NRXN1: variants seen among roughly 807,000 people sequenced by gnomAD.
The protein encoded by NRXN1 is neurexin 1, also known as neurexin-1.
A neutral mutation model predicts 150.9 loss-of-function variants in NRXN1; 39 were observed. That is an observed-to-expected ratio of 0.26 (90% CI 0.20 to 0.34). The LOEUF (loss-of-function observed/expected upper bound fraction) is 0.34, where lower values mean the gene tolerates loss of function less well. NRXN1 is among the 10% of genes least tolerant of loss of function. NRXN1 has a pLI of 1.00. For missense variants in NRXN1, 1,815 were observed against 1,949.9 expected, an observed-to-expected ratio of 0.93 and a Z score of 1.30; for synonymous variants, 924 against 757.0, an observed-to-expected ratio of 1.22 and a Z score of -3.62.
chr2:50,544,883 G>T (rs772204745), intron 9 of NRXN1, among the ~76,000 whole-genome samples: 9 of 152,130 alleles, frequency 5.9e-5, no homozygotes, highest in Non-Finnish European at 1.3e-4. Context: ...CTAAATATCA[G>T]TATGTTCAAA....
intron 17 of NRXN1, among the ~76,000 whole-genome samples, chr2:50,383,518 G>A (rs2081115859): frequency 6.6e-6 from 1 of 152,154 alleles, no homozygotes; most frequent in African/African-American, 2.4e-5. Flanking sequence ...GGGGCACAAT[G>A]TGATGTTTCA....
chr2:49,922,142 G>A lies in NRXN1; in HGVS notation c.4326C>T (p.Ala1442=), dbSNP rs1238134606. 6.2e-7 allele frequency: 1 copy of A among 1,614,114 alleles called. No homozygotes were observed. Among genetic ancestry groups the A allele is most frequent in the Admixed American group, 1.7e-5 (1 of 60,010 alleles). ...GMVVGIVAAA[A]LCILILLYAM... ...CATAGAGGAGGATAAGGATGCACAG[G>A]GCGGCAGCGGCTACTATCCCAACGA... The change falls in exon 23 of 23, where the codon GCC becomes GCT. Residue 1442 remains alanine, a synonymous_variant. Coordinates refer to ENST00000401669, the MANE Select transcript of NRXN1 (RefSeq NM_001330078.2).
At chr2:50,124,819 C>T (rs996110873) in intron 18 of NRXN1, among the ~76,000 whole-genome samples, 1 of 152,106 alleles carries the variant, frequency 6.6e-6, no homozygotes, top group Non-Finnish European at 1.5e-5. Flanking sequence ...CTTTTCTTCT[C>T]ACTACCACAT....
chr2:50,797,157 A>G (rs1706948006), intron 5 of NRXN1, among the ~76,000 whole-genome samples: 1 of 152,210 alleles, frequency 6.6e-6, no homozygotes, highest in African/African-American at 2.4e-5. Context: ...AACAATATTC[A>G]GATCATAGCA....
intron 8 of NRXN1, among the ~76,000 whole-genome samples, chr2:50,599,241 T>C (rs1259300843): frequency 6.6e-6 from 1 of 152,202 alleles, no homozygotes. Flanking sequence ...GCAGTATTAC[T>C]ACAGAGTTCA....
chr2:50,384,249 G>C (rs2081164271), intron 17 of NRXN1, among the ~76,000 whole-genome samples: 1 of 152,138 alleles, frequency 6.6e-6, no homozygotes, highest in Non-Finnish European at 1.5e-5. Context: ...GCTCATGCCT[G>C]TAATCCCAGC....
chr2:50,866,956 T>C (rs1019599609), intron 5 of NRXN1, among the ~76,000 whole-genome samples: 3 of 151,922 alleles, frequency 2.0e-5, no homozygotes, highest in Admixed American at 2.0e-4. Context: ...TCTGTTTCCA[T>C]AATACTCTCT....
chr2:50,653,205 G>C (rs1441433164), intron 5 of NRXN1, among the ~76,000 whole-genome samples: 2 of 151,988 alleles, frequency 1.3e-5, no homozygotes, highest in African/African-American at 4.8e-5. Flanking sequence ...AAATCTAGCA[G>C]AGTTTATTTG....
chr2:50,434,364 G>A (rs1347147972), intron 17 of NRXN1, among the ~76,000 whole-genome samples: 2 of 151,990 alleles, frequency 1.3e-5, no homozygotes, highest in African/African-American at 4.8e-5. Context: ...TTACAGGCGT[G>A]AGCCACCTCG....
chr2:50,939,452 A>G (rs762133563), intron 2 of NRXN1, among the ~76,000 whole-genome samples: 14 of 151,982 alleles, frequency 9.2e-5, no homozygotes, highest in Non-Finnish European at 1.9e-4. Context: ...TTTATGATTT[A>G]TTATTTATAA....
At chr2:50,531,641 C>T (rs934692998) in intron 10 of NRXN1, among the ~76,000 whole-genome samples, 2 of 152,040 alleles carry the variant, frequency 1.3e-5, no homozygotes, top group African/African-American at 4.8e-5. Flanking sequence ...TGCTAAAGCC[C>T]AGAAACAGAG....
At chr2:50,777,324 T>A (rs766339122) in intron 5 of NRXN1, among the ~76,000 whole-genome samples, 5 of 152,178 alleles carry the variant, frequency 3.3e-5, no homozygotes, top group Non-Finnish European at 5.9e-5. Context: ...ATTTATGGTA[T>A]ACAATTTTCT....
chr2:50,503,910 C>T (rs2092086319), intron 13 of NRXN1, among the ~76,000 whole-genome samples: 1 of 151,852 alleles, frequency 6.6e-6, no homozygotes. Flanking sequence ...CAGCGTATGC[C>T]CCAGATGGGA....
intron 21 of NRXN1, among the ~76,000 whole-genome samples, chr2:50,005,418 T>G (rs1039686810): frequency 3.9e-5 from 6 of 152,110 alleles, no homozygotes; most frequent in Admixed American, 6.6e-5. Context: ...TTTAAATCAT[T>G]TTCTCTTTTT....
At chr2:50,905,565 A>T (rs116258469) in intron 5 of NRXN1, among the ~76,000 whole-genome samples, 1 of 152,072 alleles carries the variant, frequency 6.6e-6, no homozygotes, top group African/African-American at 2.4e-5. Context: ...ATCCCTCACT[A>T]TAATCATGCT....
intron 5 of NRXN1, among the ~76,000 whole-genome samples, chr2:50,851,051 G>C (rs531675475): frequency 1.3e-5 from 2 of 152,076 alleles, no homozygotes; most frequent in African/African-American, 4.8e-5. Flanking sequence ...ATAAAGGAAA[G>C]AATAAAGGAA....
At chr2:50,774,431 T>A (rs1703367207) in intron 5 of NRXN1, among the ~76,000 whole-genome samples, 1 of 152,156 alleles carries the variant, frequency 6.6e-6, no homozygotes, top group African/African-American at 2.4e-5. Flanking sequence ...AAAGTAACAC[T>A]AAACAGTGGT....
intron 21 of NRXN1, among the ~76,000 whole-genome samples, chr2:49,959,310 T>C (rs575774951): frequency 6.6e-6 from 1 of 152,298 alleles, no homozygotes; most frequent in African/African-American, 2.4e-5. Context: ...TTGACTGCTT[T>C]GCTACCTGAA....
At chr2:50,738,922 G>T (rs988285011) in intron 5 of NRXN1, among the ~76,000 whole-genome samples, 15 of 152,108 alleles carry the variant, frequency 9.9e-5, no homozygotes, top group African/African-American at 3.4e-4. Context: ...AATTAGAATT[G>T]TCACCAGATC....
Sources: gnomAD v4.1 joint callset for allele counts (sites outside exome capture counted in the v4.1 genomes callset) on GRCh38, gnomAD v4.1.1 for gene constraint, MANE v1.5 for transcripts, NCBI Gene and HGNC (gene_info 2026-07-23, HGNC 2026-07-21) for gene names.